The following EIF4EBP2 variants were observed in gnomAD, a reference collection of about 807,000 sequenced individuals.
The protein encoded by EIF4EBP2 is eukaryotic translation initiation factor 4E-binding protein 2.
A neutral mutation model predicts 10.3 loss-of-function variants in EIF4EBP2; 5 were observed. The observed-to-expected ratio is 0.48, with a 90% CI of 0.25 to 1.02. The LOEUF (loss-of-function observed/expected upper bound fraction) is 1.02, where lower values mean the gene tolerates loss of function less well. Ranked by LOEUF, EIF4EBP2 falls within the 50% of genes least tolerant of loss-of-function variation. The pLI is 0.15. For synonymous variants in EIF4EBP2, 67 were observed against 61.1 expected (o/e 1.10, Z -0.45); for missense variants, 188 against 162.2 (o/e 1.16, Z -0.86).
intron 2 of EIF4EBP2, among the ~76,000 whole-genome samples, chr10:70,421,106 T>G (rs1845152885): frequency 1.3e-5 from 2 of 152,214 alleles, no homozygotes; most frequent in Admixed American, 1.3e-4. Context: ...ACCTTGTTTC[T>G]TATATGAGTT....
chr10:70,404,867 C>A (rs1844952327), intron 1 of EIF4EBP2, among the ~76,000 whole-genome samples: 1 of 152,240 alleles, frequency 6.6e-6, no homozygotes, highest in African/African-American at 2.4e-5. Flanking sequence ...GATTTGGCTC[C>A]ACTTGGCCTT....
intron 2 of EIF4EBP2, among the ~76,000 whole-genome samples, chr10:70,420,841 C>T (rs1845148676): frequency 6.6e-6 from 1 of 152,190 alleles, no homozygotes; most frequent in Non-Finnish European, 1.5e-5. Context: ...GTTGCCCAGG[C>T]TGGAGTGCAG....
At position 70,412,955 on chromosome 10, in the gene EIF4EBP2, A is replaced by G. The variant is rs571167775; in HGVS notation, c.146-6959A>G. Among the ~76,000 whole-genome samples, 3 of 152,336 alleles carry G rather than the reference A, an allele frequency of 2.0e-5. No homozygotes were observed. The East Asian group carries it at 5.8e-4, about 29-fold the overall frequency. ...AAATGAAACTTCAACAATGTAAAAG[A>G]GGGTAAAATGCCAGTAGACAGCCAC... On this transcript the variant is annotated intron_variant, in intron 1 of 2. Coordinates refer to ENST00000373218, the MANE Select transcript of EIF4EBP2 (RefSeq NM_004096.5).
In EIF4EBP2 at chr10:70,420,061, T is replaced by G; in HGVS notation, c.293T>G (p.Leu98Trp). 5 of 1,610,350 alleles carry G rather than the reference T, an allele frequency of 3.1e-6. No homozygotes were observed. The highest frequency in any genetic ancestry group is 4.2e-6 in the Non-Finnish European group (5 of 1,178,886). Residue 98 changes from leucine (L) to tryptophan (W), a missense_variant, in exon 2 of 3, where the codon TTG becomes TGG. Transcript: ENST00000373218. ...IEDSKVEVNN[L>W]NNLNNHDRKH... is the part of the protein sequence containing the mutation. ...GACTCCAAAGTAGAAGTAAACAATTTGAACAACTTGAACAATCACGACAGG... is the reference window on the plus strand; with the variant it reads ...GACTCCAAAGTAGAAGTAAACAATTGGAACAACTTGAACAATCACGACAGG...
At chr10:70,410,050 G>A (rs1005790075) in intron 1 of EIF4EBP2, among the ~76,000 whole-genome samples, 2 of 152,080 alleles carry the variant, frequency 1.3e-5, no homozygotes, top group Non-Finnish European at 2.9e-5. Context: ...GAGTATTGGG[G>A]GTGAAGGGAG....
intron 1 of EIF4EBP2, among the ~76,000 whole-genome samples, chr10:70,406,597 C>T (rs899308901): frequency 2.0e-5 from 3 of 152,178 alleles, no homozygotes; most frequent in Non-Finnish European, 4.4e-5. Context: ...AGTCAAGCTA[C>T]CATACTTTTA....
Position 70,404,522 on chromosome 10 carries a change from A to G in EIF4EBP2, c.121A>G (p.Thr41Ala). Residue 41 changes from threonine to alanine, a missense_variant, in exon 1 of 3, where the codon ACG becomes GCG. Transcript: ENST00000373218. Reference sequence around the variant, plus strand: ...TGACTATTGCACCACGCCCGGGGGGACGCTCTTCTCCACCACACCGGGAGG... The same window carrying G: ...TGACTATTGCACCACGCCCGGGGGGGCGCTCTTCTCCACCACACCGGGAGG... ...PHDYCTTPGG[T>A]LFSTTPGGTR... 6.3e-7 allele frequency: 1 copy of G among 1,586,836 alleles called. No individual in the cohort carries two copies. The highest frequency in any genetic ancestry group is 2.4e-5 in the East Asian group (1 of 41,406).
chr10:70,419,489 TC>T lies in EIF4EBP2; in HGVS notation c.146-424del, dbSNP rs1485995132. Among the ~76,000 whole-genome samples, 6 of 152,330 alleles carry T rather than the reference TC, an allele frequency of 3.9e-5. No individual in the cohort carries two copies. In the East Asian group the frequency reaches 1.2e-3, roughly 29 times the overall value. On this transcript the variant is annotated intron_variant, in intron 1 of 2. Transcript: ENST00000373218. ...ATTCTTTCATTTAAAACTTTTTTTTTCTTAAAGATGTTAATGTTAGGGCCTA... is the reference window on the plus strand; with the variant it reads ...ATTCTTTCATTTAAAACTTTTTTTTTTTAAAGATGTTAATGTTAGGGCCTA...
intron 1 of EIF4EBP2, among the ~76,000 whole-genome samples, chr10:70,406,774 CCGA>C (rs1240697309): frequency 5.9e-5 from 9 of 152,222 alleles, no homozygotes; most frequent in Non-Finnish European, 1.3e-4. Flanking sequence ...TTAACTTCCC[CCGA>C]CATTGTTTCT....
rs570056082 is a variant in EIF4EBP2 at position 70,410,719 on chromosome 10, A to T, written c.145+6173A>T. Among the ~76,000 whole-genome samples the T allele has an allele frequency of 3.9e-5, 6 of 152,292 alleles. No individual in the cohort carries two copies. The South Asian group carries it at 6.2e-4, about 16-fold the overall frequency. ...GTTTTTTCCTTTCTTATTTTCCCTT[A>T]TGGGGGTGGGAGAGAGAAAGACAGG... is the stretch of plus-strand genomic sequence containing the variant. On this transcript the variant is annotated intron_variant, in intron 1 of 2. Coordinates refer to ENST00000373218, the MANE Select transcript of EIF4EBP2 (RefSeq NM_004096.5).
intron 1 of EIF4EBP2, among the ~76,000 whole-genome samples, chr10:70,404,967 G>A (rs1449470004): frequency 1.3e-5 from 2 of 152,224 alleles, no homozygotes; most frequent in Non-Finnish European, 2.9e-5. Context: ...AAGAACTTTG[G>A]GAGAGGAATT....
intron 1 of EIF4EBP2, among the ~76,000 whole-genome samples, chr10:70,406,960 C>G (rs532539627): frequency 1.6e-4 from 25 of 152,224 alleles, no homozygotes; most frequent in African/African-American, 5.3e-4. Flanking sequence ...TGCAGTGGCG[C>G]GATCTCGGCT....
At chr10:70,412,713 C>G (rs1056169725) in intron 1 of EIF4EBP2, among the ~76,000 whole-genome samples, 1 of 152,026 alleles carries the variant, frequency 6.6e-6, no homozygotes, top group African/African-American at 2.4e-5. Flanking sequence ...GTTTTTCCCC[C>G]CTCTCTGTCA....
Position 70,424,616 on chromosome 10 carries a change from G to C in EIF4EBP2, c.*2869G>C, listed in dbSNP as rs1845189504. ...TTTTAGAGAGAAGGAGCACTCTTAA[G>C]TTACCACTTTGAGACAGCTCTTAAC... On this transcript the variant is annotated 3_prime_UTR_variant, in exon 3 of 3. Transcript: ENST00000373218. 1 of 152,216 alleles carries C rather than the reference G, an allele frequency of 6.6e-6. No homozygotes were observed. The highest frequency in any genetic ancestry group is 2.1e-4 in the South Asian group (1 of 4,834). 9.4% of individuals were successfully genotyped at this position (152,216 alleles called of 1,614,324 possible).
rs1845136634 is a variant in EIF4EBP2 at position 70,419,943 on chromosome 10, C to A, written c.175C>A (p.Leu59Met). 1.3e-6 allele frequency: 2 copies of A among 1,591,396 alleles called. No homozygotes were observed. The highest frequency in any genetic ancestry group is 1.7e-6 in the Non-Finnish European group (2 of 1,172,722). ...GTRIIYDRKF[L>M]LDRRNSPMAQ... ...TCGAATCATTTATGACAGAAAGTTT[C>A]TGTTGGATCGTCGCAATTCTCCCAT... is the stretch of plus-strand genomic sequence containing the variant. Residue 59 changes from leucine (L) to methionine (M), a missense_variant, in exon 2 of 3, where the codon CTG (leucine) becomes ATG (methionine). Physicochemically the swap from Leu to Met is conservative, Grantham distance 15. Coordinates refer to ENST00000373218, the MANE Select transcript of EIF4EBP2 (RefSeq NM_004096.5).
intron 2 of EIF4EBP2, among the ~76,000 whole-genome samples, chr10:70,420,731 G>C (rs569086356): frequency 2.0e-5 from 3 of 152,284 alleles, no homozygotes; most frequent in Non-Finnish European, 2.9e-5. Flanking sequence ...AACACACACA[G>C]AAAACAAAAC....
rs892814860 is a variant in EIF4EBP2 at position 70,423,009 on chromosome 10, T to G, written c.*1262T>G. ...TTCCTCTCTCCTTCCTTTCCTTCCT[T>G]TTTCTCTACCAGGCCATTTTTCAAA... On this transcript the variant is annotated 3_prime_UTR_variant, in exon 3 of 3. Transcript: ENST00000373218. The G allele has an allele frequency of 6.6e-6, 1 of 152,554 alleles. No individual in the cohort carries two copies. Among genetic ancestry groups the G allele is most frequent in the Non-Finnish European group, 1.5e-5 (1 of 68,022 alleles). 9.5% of individuals were successfully genotyped at this position (152,554 alleles called of 1,614,324 possible).
Position 70,426,737 on chromosome 10 carries a change from A to G in EIF4EBP2, c.*4990A>G, listed in dbSNP as rs532039711. 2 of 152,330 alleles carry G rather than the reference A, an allele frequency of 1.3e-5. No individual in the cohort carries two copies. Among genetic ancestry groups the G allele is most frequent in the South Asian group, 2.1e-4 (1 of 4,826 alleles). 9.4% of individuals were successfully genotyped at this position (152,330 alleles called of 1,614,324 possible). A position where few individuals can be genotyped will look rare whatever the true frequency, so the allele number is the denominator to read the frequency against. ...CCAGAAGTAAAGAACTCATCTTTAGAGTACCTTTAAATGAATTTTGTTTTT... is the reference window on the plus strand; with the variant it reads ...CCAGAAGTAAAGAACTCATCTTTAGGGTACCTTTAAATGAATTTTGTTTTT... On this transcript the variant is annotated 3_prime_UTR_variant, in exon 3 of 3. Transcript: ENST00000373218.
chr10:70,419,411 C>T lies in EIF4EBP2; in HGVS notation c.146-503C>T, dbSNP rs77093090. On this transcript the variant is annotated intron_variant, in intron 1 of 2. Transcript: ENST00000373218. ...CTGTGAGAAGAATGTTAGTCTCAGT[C>T]CTTCTTTGGAAAGCCTTTAAAAGGG... 3.6e-3 allele frequency among the ~76,000 whole-genome samples: 552 copies of T among 152,262 alleles called. 1 individual carries two copies. Among genetic ancestry groups the T allele is most frequent in the Middle Eastern group, 6.8e-3 (2 of 294 alleles).
Sources: gnomAD v4.1 joint callset for allele counts (sites outside exome capture counted in the v4.1 genomes callset) on GRCh38, gnomAD v4.1.1 for gene constraint, MANE v1.5 for transcripts, NCBI Gene and HGNC (gene_info 2026-07-23, HGNC 2026-07-21) for gene names.